The following FBXO34 variants were observed in gnomAD, a reference collection of about 807,000 sequenced individuals.
FBXO34 encodes F-box protein 34, also known as F-box only protein 34.
FBXO34 carries 12 observed loss-of-function variants against 24.5 expected under a neutral mutation model. The observed-to-expected ratio is 0.49, with a 90% CI of 0.31 to 0.79. The LOEUF is 0.79. FBXO34 is among the 30% of genes least tolerant of loss of function. The pLI is 0.04. For synonymous variants in FBXO34, 320 were observed against 311.9 expected (o/e 1.03, Z -0.27); for missense variants, 823 against 857.7 (o/e 0.96, Z 0.51).
rs974471150 is a variant in FBXO34, at chr14:55,274,167, G to T, written c.-11+2630G>T. Among the ~76,000 whole-genome samples, 22 of 152,176 alleles carry T rather than the reference G, an allele frequency of 1.4e-4. 1 individual carries two copies. The highest frequency in any genetic ancestry group is 1.0e-3 in the South Asian group (5 of 4,826). ...CTAAATAAGAGTTGAAAGACCTGCA[G>T]CTGATAAGGAGATACCTGCTATTCG... is the stretch of plus-strand genomic sequence containing the variant. On this transcript the variant is annotated intron_variant, in intron 1 of 1. Transcript: ENST00000313833.
the FBXO34 span, chr14:55,436,991 G>A: frequency 2.1e-5 from 34 of 1,614,110 alleles, no homozygotes; most frequent in African/African-American, 4.0e-4. Context: ...GGGCTGAACA[G>A]GGGAGACCTG....
the FBXO34 span, among the ~76,000 whole-genome samples, chr14:55,400,769 T>C: frequency 1.3e-5 from 2 of 152,020 alleles, no homozygotes; most frequent in Non-Finnish European, 2.9e-5. Context: ...CCAGGTGTGG[T>C]GGCGGGCACC....
chr14:55,348,951 A>G (rs1398181079), intron 1 of FBXO34, among the ~76,000 whole-genome samples: 4 of 152,088 alleles, frequency 2.6e-5, no homozygotes, highest in African/African-American at 9.7e-5. Context: ...TCTGAGATGT[A>G]TGTGTTCAGC....
the FBXO34 span, among the ~76,000 whole-genome samples, chr14:55,415,404 G>A: frequency 3.9e-3 from 594 of 152,298 alleles, 8 homozygotes; most frequent in African/African-American, 0.014. Context: ...TAGTTCGGTG[G>A]TTAAGTTAAA....
chr14:55,296,016 A>G (rs1030373536), intron 1 of FBXO34, among the ~76,000 whole-genome samples: 1 of 152,200 alleles, frequency 6.6e-6, no homozygotes, highest in African/African-American at 2.4e-5. Context: ...TGTCAGGCAC[A>G]GTGGCTTGCA....
At chr14:55,314,914 T>C (rs953213636) in intron 1 of FBXO34, among the ~76,000 whole-genome samples, 5 of 152,204 alleles carry the variant, frequency 3.3e-5, no homozygotes, top group Non-Finnish European at 7.4e-5. Flanking sequence ...TTTTAGCTTA[T>C]TATTTTTGCA....
intron 1 of FBXO34, among the ~76,000 whole-genome samples, chr14:55,348,658 C>T (rs1884239661): frequency 6.6e-6 from 1 of 152,206 alleles, no homozygotes; most frequent in African/African-American, 2.4e-5. Flanking sequence ...TGTGAGCCAC[C>T]ATGCCTGGCT....
chr14:55,370,107 T>C (rs1884781216), downstream of FBXO34, among the ~76,000 whole-genome samples: 1 of 152,104 alleles, frequency 6.6e-6, no homozygotes. Context: ...CCAAATAATC[T>C]CCACCCAAGT....
rs377640813 is a variant in FBXO34, at chr14:55,351,315, C to T, written c.925C>T (p.Arg309Cys). ...GAGCCTCTCAAGGAATAACAGCTTC[C>T]GTCGAAATGTGGGCAGAGTATTGCT... ...PGSLSRNNSFRRNVGRVLLAN... is the reference protein window; with the variant it reads ...PGSLSRNNSFCRNVGRVLLAN... Residue 309 changes from arginine to cysteine, a missense_variant, in exon 2 of 2, where the codon CGT (arginine) becomes TGT (cysteine). Around this residue, in one of 2 missense-constraint regions of FBXO34, gnomAD observed 693 missense variants for 659.1 expected, o/e 1.05. Coordinates refer to ENST00000313833, the MANE Select transcript of FBXO34 (RefSeq NM_017943.4). The T allele has an allele frequency of 5.0e-6, 8 of 1,614,080 alleles. No individual in the cohort carries two copies. The African/African-American group carries it at 5.3e-5, about 11-fold the overall frequency.
At chr14:55,437,082 G>T in the FBXO34 span, 1 of 1,435,556 alleles carries the variant, frequency 7.0e-7, no homozygotes, top group Non-Finnish European at 9.8e-7. Flanking sequence ...TACACAAAAG[G>T]GATGTCACTA....
chr14:55,296,398 T>A (rs113297583), intron 1 of FBXO34, among the ~76,000 whole-genome samples: 2 of 118,124 alleles, frequency 1.7e-5, no homozygotes, highest in African/African-American at 3.0e-5. Flanking sequence ...TTTGTTTTTT[T>A]TTTTTTTTTT....
the FBXO34 span, among the ~76,000 whole-genome samples, chr14:55,402,481 C>T: frequency 5.3e-5 from 8 of 152,178 alleles, no homozygotes; most frequent in East Asian, 1.5e-3. Flanking sequence ...GCACCAATCA[C>T]AAAATCAGTC....
At chr14:55,378,462 G>A in the FBXO34 span, among the ~76,000 whole-genome samples, 1 of 152,152 alleles carries the variant, frequency 6.6e-6, no homozygotes, top group Non-Finnish European at 1.5e-5. Context: ...GCAGTCAAAG[G>A]CTTATAACGG....
At chr14:55,363,667 C>T (rs189413753), downstream of FBXO34, among the ~76,000 whole-genome samples, 46 of 152,210 alleles carry the variant, frequency 3.0e-4, no homozygotes, top group Admixed American at 5.9e-4. Flanking sequence ...AACCGGTGGC[C>T]CATGAGCTGC....
the FBXO34 span, among the ~76,000 whole-genome samples, chr14:55,430,499 T>C: frequency 2.0e-5 from 3 of 151,454 alleles, no homozygotes; most frequent in Admixed American, 2.0e-4. Flanking sequence ...CTTGAACTTC[T>C]GGCCTTAAGT....
At chr14:55,276,846 A>G (rs1036457525) in intron 1 of FBXO34, among the ~76,000 whole-genome samples, 1 of 152,174 alleles carries the variant, frequency 6.6e-6, no homozygotes, top group Non-Finnish European at 1.5e-5. Flanking sequence ...AGTTAATTGC[A>G]TTCTTGGATG....
intron 1 of FBXO34, among the ~76,000 whole-genome samples, chr14:55,272,747 C>T (rs552378439): frequency 6.6e-6 from 1 of 152,074 alleles, no homozygotes; most frequent in Admixed American, 6.5e-5. Flanking sequence ...TGCTACCACC[C>T]CATGCTACCA....
intron 1 of FBXO34, among the ~76,000 whole-genome samples, chr14:55,323,225 A>ATATATATT (rs1555337925): frequency 5.2e-5 from 1 of 19,204 alleles, no homozygotes; most frequent in Admixed American, 7.5e-4. Flanking sequence ...AAAAATATAT[A>ATATATATT]TTTTTTTTTT....
rs761300524 is a variant in FBXO34, at chr14:55,352,282, C to G, written c.1892C>G (p.Pro631Arg). ...CGAGATCCACGCTATAGAGAGGATC[C>G]TTGCAAACAGTGCAAGAAAAAGTAT... ...WVRDPRYRED[P>R]CKQCKKKYVK... Residue 631 changes from proline (P) to arginine (R), a missense_variant, in exon 2 of 2, where the codon CCT becomes CGT. This residue lies in a region of FBXO34 where 130 missense variants were observed against 198.6 expected (regional missense o/e 0.65). Coordinates refer to ENST00000313833, the MANE Select transcript of FBXO34 (RefSeq NM_017943.4). 6.2e-7 allele frequency: 1 copy of G among 1,614,174 alleles called. No individual in the cohort carries two copies. Among genetic ancestry groups the G allele is most frequent in the South Asian group, 1.1e-5 (1 of 91,078 alleles).
Sources: gnomAD v4.1 joint callset for allele counts (sites outside exome capture counted in the v4.1 genomes callset) on GRCh38, gnomAD v4.1.1 for gene constraint, gnomAD v4.1.1 regional missense constraint, MANE v1.5 for transcripts, NCBI Gene and HGNC (gene_info 2026-07-23, HGNC 2026-07-21) for gene names.